The following CATSPERE variants were observed in gnomAD, a reference collection of about 807,000 sequenced individuals.
The protein encoded by CATSPERE is cation channel sperm-associated auxiliary subunit epsilon.
CATSPERE carries 93 observed loss-of-function variants against 114.1 expected under a neutral mutation model. The observed-to-expected ratio is 0.81, with a 90% CI of 0.69 to 0.97. CATSPERE has a LOEUF of 0.97. CATSPERE is among the 50% of genes least tolerant of loss of function. CATSPERE has a pLI of 0.00. For missense variants in CATSPERE, 1,058 were observed against 1,131.6 expected (o/e 0.93, Z 0.93); for synonymous variants, 341 against 384.1 (o/e 0.89, Z 1.31).
At chr1:244,467,624 G>A (rs1667804030) in intron 2 of CATSPERE, among the ~76,000 whole-genome samples, 1 of 152,148 alleles carries the variant, frequency 6.6e-6, no homozygotes, top group Non-Finnish European at 1.5e-5. Context: ...TATACATCCA[G>A]CACCAGAAGA....
intron 2 of CATSPERE, among the ~76,000 whole-genome samples, chr1:244,465,816 T>C (rs976319263): frequency 1.3e-5 from 2 of 152,228 alleles, no homozygotes; most frequent in South Asian, 2.1e-4. Context: ...GTTATCATAG[T>C]AACTGGTATC....
At chr1:244,516,635 C>T (rs1676686793) in intron 7 of CATSPERE, among the ~76,000 whole-genome samples, 1 of 150,722 alleles carries the variant, frequency 6.6e-6, no homozygotes, top group Non-Finnish European at 1.5e-5. Context: ...GATTCTCCTG[C>T]CTCAGCCTCC....
intron 7 of CATSPERE, among the ~76,000 whole-genome samples, chr1:244,507,952 G>A (rs887411434): frequency 6.6e-6 from 1 of 151,932 alleles, no homozygotes; most frequent in Non-Finnish European, 1.5e-5. Context: ...GGCTACTTGG[G>A]ATCTTTTGTG....
chr1:244,471,462 C>G (rs116261566), intron 2 of CATSPERE, among the ~76,000 whole-genome samples: 1 of 152,140 alleles, frequency 6.6e-6, no homozygotes. Flanking sequence ...CATACAGTTG[C>G]GTTATCACCG....
intron 8 of CATSPERE, among the ~76,000 whole-genome samples, chr1:244,549,692 G>C (rs1186921977): frequency 6.6e-6 from 1 of 152,104 alleles, no homozygotes; most frequent in African/African-American, 2.4e-5. Flanking sequence ...CCTTGTTATT[G>C]TCTTTATTTG....
At chr1:244,487,193 T>C (rs967920305) in intron 5 of CATSPERE, among the ~76,000 whole-genome samples, 4 of 151,716 alleles carry the variant, frequency 2.6e-5, no homozygotes, top group Non-Finnish European at 4.4e-5. Flanking sequence ...TGGTTCAGCA[T>C]GTGGAATAGT....
rs1256382042 is a variant in CATSPERE at position 244,504,761 on chromosome 1, C to T, written c.429+5682C>T. On this transcript the variant is annotated intron_variant, in intron 7 of 21. Coordinates refer to ENST00000366534, the MANE Select transcript of CATSPERE (RefSeq NM_001130957.2). The surrounding 1 kb of genome is among the most constrained non-coding windows in gnomAD (Gnocchi z 4.1). ...CATTCCCATTACGCGCAATCAAGGG[C>T]GCATACAATCATATGATGTGTCGCT... Among the ~76,000 whole-genome samples, 4 of 152,202 alleles carry T rather than the reference C, an allele frequency of 2.6e-5. No homozygotes were observed. Among genetic ancestry groups the T allele is most frequent in the African/African-American group, 7.2e-5 (3 of 41,448 alleles).
In CATSPERE at chr1:244,593,436, A is replaced by G; in HGVS notation, c.2223+8A>G. ...CAGCCATCGAAAAACTTGGTAAGAA[A>G]ATGATAAAATTCTGTCAATGGACCA... On this transcript the variant is annotated splice_region_variant and intron_variant, in intron 16 of 21. Transcript: ENST00000366534. The G allele has an allele frequency of 1.2e-6, 2 of 1,613,606 alleles. No individual in the cohort carries two copies. The highest frequency in any genetic ancestry group is 2.2e-5 in the South Asian group (2 of 91,048).
At chr1:244,578,889 AT>A (rs1329998182) in intron 11 of CATSPERE, among the ~76,000 whole-genome samples, 1 of 140,470 alleles carries the variant, frequency 7.1e-6, no homozygotes, top group Non-Finnish European at 1.5e-5. Flanking sequence ...ATTTTTTTTC[AT>A]TTCTCTTTTT....
chr1:244,569,133 G>A (rs1259363711), intron 10 of CATSPERE, among the ~76,000 whole-genome samples: 1 of 149,082 alleles, frequency 6.7e-6, no homozygotes, highest in East Asian at 1.9e-4. Flanking sequence ...GTTCCTTATG[G>A]AAGACCAGAC....
intron 2 of CATSPERE, among the ~76,000 whole-genome samples, chr1:244,475,213 T>G (rs1669114057): frequency 6.6e-6 from 1 of 151,884 alleles, no homozygotes; most frequent in African/African-American, 2.4e-5. Context: ...AAAACAGAGT[T>G]TATTCACTTT....
chr1:244,591,768 T>C, intron 15 of CATSPERE, 37 bp downstream of exon 15: 1 of 1,221,430 alleles, frequency 8.2e-7, no homozygotes, highest in Non-Finnish European at 1.2e-6. Context: ...GAGTTTTATA[T>C]TAACGTAGTA....
intron 1 of CATSPERE, among the ~76,000 whole-genome samples, chr1:244,455,281 T>G (rs1431475882): frequency 6.6e-6 from 1 of 152,178 alleles, no homozygotes; most frequent in Non-Finnish European, 1.5e-5. Context: ...GAATAGCTTC[T>G]GATTTCCTGT....
chr1:244,602,669 C>T (rs1026507204), intron 17 of CATSPERE, among the ~76,000 whole-genome samples: 1 of 152,182 alleles, frequency 6.6e-6, no homozygotes, highest in Non-Finnish European at 1.5e-5. Context: ...GAGTCTATCA[C>T]GCTCCAATCC....
chr1:244,627,858 A>G (rs898712017), intron 20 of CATSPERE, among the ~76,000 whole-genome samples: 3 of 152,242 alleles, frequency 2.0e-5, no homozygotes, highest in Non-Finnish European at 2.9e-5. Flanking sequence ...TAAACAATTC[A>G]TAGATTTTAA....
chr1:244,462,969 G>A (rs1490042193), intron 1 of CATSPERE, among the ~76,000 whole-genome samples: 2 of 152,152 alleles, frequency 1.3e-5, no homozygotes, highest in Non-Finnish European at 2.9e-5. Context: ...AGGAATTGTA[G>A]GGTGGTGATT....
At chr1:244,514,878 G>C (rs192923577) in intron 7 of CATSPERE, among the ~76,000 whole-genome samples, 8 of 148,966 alleles carry the variant, frequency 5.4e-5, no homozygotes, top group Non-Finnish European at 7.4e-5. Context: ...GGTGAAATCT[G>C]AATAAGGTCT....
upstream of CATSPERE, chr1:244,457,620 T>C (rs1187407404): frequency 6.6e-6 from 1 of 152,168 alleles, no homozygotes; most frequent in Non-Finnish European, 1.5e-5. Context: ...TAAATTGTTT[T>C]GGAGTTATCA....
At position 244,633,906 on chromosome 1, in the gene CATSPERE, C is replaced by T. The variant is rs1674295415; in HGVS notation, c.2649-1583C>T. Among the ~76,000 whole-genome samples the T allele has an allele frequency of 6.6e-6, 1 of 151,352 alleles. No homozygotes were observed. Among genetic ancestry groups the T allele is most frequent in the South Asian group, 2.1e-4 (1 of 4,770 alleles). ...TTGAGACGGAGCCTCACTCTGTTGC[C>T]CAGGCTGGAGTGCAGTGGTGCGATC... On this transcript the variant is annotated intron_variant, in intron 20 of 21. Coordinates refer to ENST00000366534, the MANE Select transcript of CATSPERE (RefSeq NM_001130957.2). The surrounding 1 kb of genome is among the most constrained non-coding windows in gnomAD (Gnocchi z 4.1).
Sources: gnomAD v4.1 joint callset for allele counts (sites outside exome capture counted in the v4.1 genomes callset) on GRCh38, gnomAD v4.1.1 for gene constraint, Gnocchi (gnomAD v3.1) non-coding constraint, MANE v1.5 for transcripts, NCBI Gene and HGNC (gene_info 2026-07-23, HGNC 2026-07-21) for gene names.